The following IL34 variants were observed in gnomAD, a reference collection of about 807,000 sequenced individuals.
The protein encoded by IL34 is interleukin-34.
A neutral mutation model predicts 25.3 loss-of-function variants in IL34; 17 were observed. The ratio of observed to expected loss-of-function variants is 0.67; its 90% CI spans 0.46 to 1.01. The LOEUF (loss-of-function observed/expected upper bound fraction) is 1.01. Among genes scored for constraint, IL34 ranks in the 50% least tolerant of loss-of-function variants. The pLI is 0.00. For synonymous variants in IL34, 174 were observed against 140.9 expected, an observed-to-expected ratio of 1.23 and a Z score of -1.66; for missense variants, 368 against 312.9, an observed-to-expected ratio of 1.18 and a Z score of -1.33.
chr16:70,590,654 T>C (rs534948281), intron 1 of IL34, among the ~76,000 whole-genome samples: 34 of 152,162 alleles, frequency 2.2e-4, no homozygotes, highest in African/African-American at 6.7e-4. Context: ...TGATCTCAAA[T>C]CCTCACCATA....
intron 4 of IL34, among the ~76,000 whole-genome samples, chr16:70,659,019 G>T (rs528763634): frequency 6.6e-6 from 1 of 152,282 alleles, no homozygotes; most frequent in East Asian, 1.9e-4. Context: ...TTGCCTTGTT[G>T]TCACCCCCTT....
chr16:70,584,681 T>C (rs923036747), intron 1 of IL34, among the ~76,000 whole-genome samples: 1 of 152,034 alleles, frequency 6.6e-6, no homozygotes, highest in African/African-American at 2.4e-5. Context: ...GCTGTTTCCT[T>C]GTCTTCCTGC....
At chr16:70,629,123 G>A (rs1850055588) in intron 1 of IL34, among the ~76,000 whole-genome samples, 1 of 152,094 alleles carries the variant, frequency 6.6e-6, no homozygotes, top group Non-Finnish European at 1.5e-5. Context: ...GGATGTTCTA[G>A]ATTTATAATC....
intron 1 of IL34, among the ~76,000 whole-genome samples, chr16:70,615,639 T>TATATAG (rs549052976): frequency 8.5e-5 from 13 of 152,118 alleles, no homozygotes; most frequent in Admixed American, 2.0e-4. Context: ...CATATACAAA[T>TATATAG]ATATAGATAT....
chr16:70,656,778 G>A, intron 3 of IL34, 99 bp downstream of exon 3: 1 of 953,726 alleles, frequency 1.0e-6, no homozygotes, highest in Non-Finnish European at 1.7e-6. Flanking sequence ...GGTGCTGCTG[G>A]CCTGGGGCCT....
upstream of IL34, among the ~76,000 whole-genome samples, chr16:70,644,785 A>AG (rs2051870771): frequency 7.9e-6 from 1 of 126,760 alleles, no homozygotes; most frequent in African/African-American, 3.3e-5. Context: ...AGGAGGGAGG[A>AG]AAAGGAGGAG....
Position 70,616,800 on chromosome 16 carries a change from T to C in IL34, c.-400-29748T>C, listed in dbSNP as rs2051179608. Among the ~76,000 whole-genome samples, 6 of 151,970 alleles carry C rather than the reference T, an allele frequency of 3.9e-5. No homozygotes were observed. The South Asian group carries it at 1.3e-3, about 32-fold the overall frequency. ...AACAAATCACAATGGTGGAATGTCA[T>C]CAGTTAAGGCTATTTTTACTTCTTT... On this transcript the variant is annotated intron_variant, in intron 1 of 6. Transcript: ENST00000429149.
At chr16:70,590,580 A>G (rs6499323) in intron 1 of IL34, among the ~76,000 whole-genome samples, 35,450 of 152,110 alleles carry the variant, frequency 0.23, 4,460 homozygotes, top group South Asian at 0.4. Flanking sequence ...GGTCTAGCCC[A>G]ATAGTGCGGA....
chr16:70,635,453 G>T (rs1280503255), intron 1 of IL34, among the ~76,000 whole-genome samples: 2 of 152,184 alleles, frequency 1.3e-5, no homozygotes, highest in African/African-American at 2.4e-5. Context: ...TACTGTCCCA[G>T]TACCAGTGTG....
chr16:70,635,836 G>A (rs1484758358), intron 1 of IL34, among the ~76,000 whole-genome samples: 1 of 152,114 alleles, frequency 6.6e-6, no homozygotes, highest in Non-Finnish European at 1.5e-5. Flanking sequence ...AGCATGTACT[G>A]TATGCCAGCT....
chr16:70,614,036 T>C (rs2051134836), intron 1 of IL34, among the ~76,000 whole-genome samples: 1 of 151,064 alleles, frequency 6.6e-6, no homozygotes, highest in Non-Finnish European at 1.5e-5. Flanking sequence ...AAAAAAAAAT[T>C]ATCCAGGCGT....
chr16:70,605,802 C>T (rs1043723601), intron 1 of IL34, among the ~76,000 whole-genome samples: 6 of 151,858 alleles, frequency 4.0e-5, no homozygotes, highest in Non-Finnish European at 8.8e-5. Context: ...TCCTGAGTAG[C>T]CGGGATTACA....
At position 70,602,257 on chromosome 16, in the gene IL34, C is replaced by T. The variant is rs137956401; in HGVS notation, c.-401+22208C>T. On this transcript the variant is annotated intron_variant, in intron 1 of 6. Transcript: ENST00000429149. ...CTCTTCCTTTGCTTTCAAACCATTG[C>T]TGGGATGTAGAGTGACAGCAAGAGC... 1.3e-3 allele frequency among the ~76,000 whole-genome samples: 193 copies of T among 152,292 alleles called. 6 individuals carry two copies. The highest frequency in any genetic ancestry group is 4.2e-3 in the African/African-American group (175 of 41,570).
chr16:70,644,109 G>C (rs1322789339), upstream of IL34, among the ~76,000 whole-genome samples: 2 of 152,116 alleles, frequency 1.3e-5, no homozygotes. Flanking sequence ...TGAGTAGCTG[G>C]GATTACAGGC....
chr16:70,646,942 A>C lies in IL34; in HGVS notation c.-6A>C, dbSNP rs566779236. 2 of 1,476,976 alleles carry C rather than the reference A, an allele frequency of 1.4e-6. No individual in the cohort carries two copies. Among genetic ancestry groups the C allele is most frequent in the East Asian group, 2.9e-5 (1 of 34,546 alleles). The allele number at this position is 1,476,976 out of a possible 1,614,324, so 91.5% of individuals were successfully genotyped here. A position where few individuals can be genotyped will look rare whatever the true frequency, so the allele number is the denominator to read the frequency against. ...CTGAGCTCTCAGGGGGACGAGGAAC[A>C]CCACCATGCCCCGGGGCTTCACCTG... On this transcript the variant is annotated 5_prime_UTR_variant, in exon 1 of 6. Coordinates refer to ENST00000288098, the MANE Select transcript of IL34 (RefSeq NM_001393494.1).
chr16:70,642,092 GTT>G (rs1487621411), upstream of IL34, among the ~76,000 whole-genome samples: 2 of 152,098 alleles, frequency 1.3e-5, no homozygotes, highest in African/African-American at 2.4e-5. Context: ...ACAGAAATCT[GTT>G]TTCTCACCAT....
At chr16:70,621,154 C>G (rs1344556988) in intron 1 of IL34, among the ~76,000 whole-genome samples, 2 of 152,064 alleles carry the variant, frequency 1.3e-5, no homozygotes, top group Non-Finnish European at 2.9e-5. Context: ...GCCCCTGCCC[C>G]AGGAAAGCAG....
chr16:70,602,963 C>G (rs1371527054), intron 1 of IL34, among the ~76,000 whole-genome samples: 1 of 152,102 alleles, frequency 6.6e-6, no homozygotes, highest in African/African-American at 2.4e-5. Context: ...CCAAACATCC[C>G]TGAAATGAGG....
At chr16:70,656,558 C>A in intron 2 of IL34, 44 bp from the exon 3 acceptor site, 1 of 899,840 alleles carries the variant, frequency 1.1e-6, no homozygotes, top group South Asian at 1.3e-5. Context: ...GCCTGCTGGT[C>A]ATTTCTACTT....
Sources: gnomAD v4.1 joint callset for allele counts (sites outside exome capture counted in the v4.1 genomes callset) on GRCh38, gnomAD v4.1.1 for gene constraint, MANE v1.5 for transcripts, NCBI Gene and HGNC (gene_info 2026-07-23, HGNC 2026-07-21) for gene names.